The following ZNF483 variants were observed in gnomAD, a reference collection of about 807,000 sequenced individuals.
ZNF483 encodes the protein zinc finger protein HIT-10.
In ZNF483, 9 loss-of-function variants were observed where a neutral mutation model predicts 28.6. The observed-to-expected ratio is 0.32, with a 90% CI of 0.19 to 0.55. The LOEUF (loss-of-function observed/expected upper bound fraction) is 0.55, where lower values mean the gene tolerates loss of function less well. Among genes scored for constraint, ZNF483 ranks in the 20% least tolerant of loss-of-function variants. The pLI, the probability that ZNF483 is intolerant of heterozygous loss-of-function variation, is 0.93. For synonymous variants in ZNF483, 322 were observed against 306.2 expected, an observed-to-expected ratio of 1.05 and a Z score of -0.54; for missense variants, 675 against 871.7, an observed-to-expected ratio of 0.77 and a Z score of 2.84.
chr9:111,555,835 C>T (rs1459215093), downstream of ZNF483, among the ~76,000 whole-genome samples: 2 of 152,200 alleles, frequency 1.3e-5, no homozygotes, highest in African/African-American at 4.8e-5. Flanking sequence ...GGTGGGGACA[C>T]AGAGCCAAAC....
chr9:111,529,411 C>G (rs1287817990), intron 2 of ZNF483, among the ~76,000 whole-genome samples: 1 of 152,048 alleles, frequency 6.6e-6, no homozygotes, highest in Non-Finnish European at 1.5e-5. Context: ...GGCAGTATGC[C>G]CAGAATGGGC....
At chr9:111,540,769 A>G (rs904704831) in intron 5 of ZNF483, among the ~76,000 whole-genome samples, 2 of 152,100 alleles carry the variant, frequency 1.3e-5, no homozygotes, top group Non-Finnish European at 2.9e-5. Flanking sequence ...CTTTGGGGAG[A>G]GGTGATAGGA....
rs114728130 is a variant in ZNF483 at position 111,570,157 on chromosome 9, G to A, written c.722-6208G>A. 37 of 1,614,082 alleles carry A rather than the reference G, an allele frequency of 2.3e-5. 1 individual carries two copies. Among genetic ancestry groups the A allele is most frequent in the Middle Eastern group, 1.7e-4 (1 of 6,056 alleles). On this transcript the variant is annotated intron_variant, in intron 5 of 5. Coordinates refer to the ZNF483 transcript ENST00000358151. Reference sequence around the variant, plus strand: ...GGGCATCTCCTTGCCAGCGGTAGACGACAAAAGCTTCCATGCGAAGCTCCT... The same window carrying A: ...GGGCATCTCCTTGCCAGCGGTAGACAACAAAAGCTTCCATGCGAAGCTCCT...
rs1011808629 is a variant in ZNF483 at position 111,563,123 on chromosome 9, A to G, written c.722-13242A>G. ...CCAGATTCCATGTGTCCTCTTTTTC[A>G]TGCTTTCACTATTGTCTTCCCCAAA... On this transcript the variant is annotated intron_variant, in intron 5 of 5. Transcript: ENST00000358151. The G allele has an allele frequency of 1.1e-5, 18 of 1,612,240 alleles. No individual in the cohort carries two copies. The African/African-American group carries it at 1.5e-4, about 13-fold the overall frequency.
chr9:111,563,468 G>T, intron 5 of ZNF483: 3 of 387,082 alleles, frequency 7.8e-6, no homozygotes, highest in Middle Eastern at 7.2e-4. Flanking sequence ...ATCATAGTGC[G>T]AAATGTCATA....
chr9:111,566,388 C>T (rs750156001), intron 5 of ZNF483, among the ~76,000 whole-genome samples: 3 of 152,252 alleles, frequency 2.0e-5, no homozygotes, highest in South Asian at 2.1e-4. Context: ...CAGCCCAGCC[C>T]GGCACTGCAA....
chr9:111,535,905 T>TC (rs1827486309), intron 5 of ZNF483, among the ~76,000 whole-genome samples: 1 of 148,372 alleles, frequency 6.7e-6, no homozygotes, highest in Non-Finnish European at 1.5e-5. Context: ...TTATTCTTTT[T>TC]TTTTTTTTTG....
At chr9:111,537,206 A>C (rs1441433949) in intron 5 of ZNF483, among the ~76,000 whole-genome samples, 1 of 151,874 alleles carries the variant, frequency 6.6e-6, no homozygotes. Flanking sequence ...GCTTATGTGG[A>C]GATGATTAGC....
At chr9:111,558,711 C>T (rs1397744698), downstream of ZNF483, among the ~76,000 whole-genome samples, 1 of 152,140 alleles carries the variant, frequency 6.6e-6, no homozygotes, top group African/African-American at 2.4e-5. Flanking sequence ...TGTGCACACA[C>T]ACTCATTTAT....
chr9:111,542,096 T>C lies in ZNF483; in HGVS notation c.1161T>C (p.Asp387=), dbSNP rs1827688343. The change falls in exon 6 of 6, where the codon GAT becomes GAC. Residue 387 remains aspartate (D), a synonymous_variant. Coordinates refer to ENST00000309235, the MANE Select transcript of ZNF483 (RefSeq NM_133464.5). This position sits in a 1 kb window ranked among gnomAD's most constrained non-coding sequence, Gnocchi z 6.2. ...HQKRQKIHLG[D]RSQKCSKCGI... is the part of the protein sequence containing the mutation. The stretch of plus-strand genomic sequence containing the variant: ...AACGTCAGAAGATTCATTTGGGGGA[T>C]AGGTCCCAAAAATGCAGTAAGTGTG... 6.2e-7 allele frequency: 1 copy of C among 1,613,944 alleles called. No homozygotes were observed. The highest frequency in any genetic ancestry group is 1.7e-5 in the Admixed American group (1 of 60,000).
chr9:111,555,929 A>G (rs187314377), downstream of ZNF483, among the ~76,000 whole-genome samples: 1 of 152,170 alleles, frequency 6.6e-6, no homozygotes, highest in African/African-American at 2.4e-5. Context: ...ACAGTCCCTT[A>G]AAGTCTTAAC....
At chr9:111,558,354 A>T (rs1049956875), downstream of ZNF483, among the ~76,000 whole-genome samples, 3 of 152,144 alleles carry the variant, frequency 2.0e-5, no homozygotes, top group Non-Finnish European at 4.4e-5. Context: ...TGACTTCATT[A>T]TTCTTTGAGC....
chr9:111,544,440 A>G lies in ZNF483; in HGVS notation c.*1270A>G. 1 of 865,692 alleles carries G rather than the reference A, an allele frequency of 1.2e-6. No individual in the cohort carries two copies. Among genetic ancestry groups the G allele is most frequent in the Non-Finnish European group, 1.4e-6 (1 of 720,366 alleles). 53.6% of individuals were successfully genotyped at this position (865,692 alleles called of 1,614,324 possible). A position where few individuals can be genotyped will look rare whatever the true frequency, so the allele number is the denominator to read the frequency against. On this transcript the variant is annotated 3_prime_UTR_variant, in exon 6 of 6. Coordinates refer to ENST00000309235, the MANE Select transcript of ZNF483 (RefSeq NM_133464.5). Reference sequence around the variant, plus strand: ...AAAAACAAAGCTTGTCTTAAAAAAAATTATAAGGGCTAACAACACTGGGCT... The same window carrying G: ...AAAAACAAAGCTTGTCTTAAAAAAAGTTATAAGGGCTAACAACACTGGGCT...
chr9:111,557,477 GCT>G (rs1828158945), downstream of ZNF483, among the ~76,000 whole-genome samples: 1 of 151,288 alleles, frequency 6.6e-6, no homozygotes, highest in Non-Finnish European at 1.5e-5. Context: ...ATGGAGTCTC[GCT>G]CTGTCTCTCA....
At chr9:111,563,335 T>C in intron 5 of ZNF483, 1 of 1,180,668 alleles carries the variant, frequency 8.5e-7, no homozygotes, top group South Asian at 1.7e-5. Context: ...TTGGAAACCT[T>C]GAAAATAAGA....
intron 2 of ZNF483, among the ~76,000 whole-genome samples, chr9:111,529,775 TTC>T (rs1422297297): frequency 6.6e-6 from 1 of 152,242 alleles, no homozygotes; most frequent in African/African-American, 2.4e-5. Flanking sequence ...TCTATGGCTG[TTC>T]TCTGTTTTAA....
chr9:111,573,337 G>C (rs562530035), intron 5 of ZNF483, among the ~76,000 whole-genome samples: 40 of 152,210 alleles, frequency 2.6e-4, no homozygotes, highest in African/African-American at 7.7e-4. Flanking sequence ...TTTCCTTCTT[G>C]GTAATGATTT....
intron 2 of ZNF483, among the ~76,000 whole-genome samples, chr9:111,529,087 A>G (rs1827253688): frequency 1.3e-5 from 2 of 151,900 alleles, no homozygotes; most frequent in South Asian, 4.2e-4. Flanking sequence ...GAGTGAGCCA[A>G]GATCACGCCA....
Position 111,549,937 on chromosome 9 carries a change from C to T in ZNF483, c.*6767C>T, listed in dbSNP as rs569543463. 3 of 586,926 alleles carry T rather than the reference C, an allele frequency of 5.1e-6. No homozygotes were observed. The highest frequency in any genetic ancestry group is 5.9e-6 in the Non-Finnish European group (2 of 337,806). 36.4% of individuals were successfully genotyped at this position (586,926 alleles called of 1,614,324 possible). ...ATTTTGTGCCTTTGAATGGTCAATA[C>T]TTGTTTCTTTGTATGCATCGTGATT... On this transcript the variant is annotated 3_prime_UTR_variant, in exon 6 of 6. Transcript: ENST00000309235.
Sources: gnomAD v4.1 joint callset for allele counts (sites outside exome capture counted in the v4.1 genomes callset) on GRCh38, gnomAD v4.1.1 for gene constraint, Gnocchi (gnomAD v3.1) non-coding constraint, MANE v1.5 for transcripts, NCBI Gene and HGNC (gene_info 2026-07-23, HGNC 2026-07-21) for gene names.